The following BCLAF3 variants were observed in gnomAD, a reference collection of about 807,000 sequenced individuals.
BCLAF3 encodes the protein transient octamer binding factor 1.
Under a neutral mutation model 51.2 loss-of-function variants are expected in BCLAF3, and 24 were observed. The ratio of observed to expected loss-of-function variants is 0.47; its 90% CI spans 0.34 to 0.66. The LOEUF (loss-of-function observed/expected upper bound fraction) is 0.66. Among genes scored for constraint, BCLAF3 ranks in the 30% least tolerant of loss-of-function variants. The probability of loss-of-function intolerance (pLI) is 0.01; values close to 1 mark genes in which losing one functional copy is unlikely to be tolerated. For missense variants in BCLAF3, 465 were observed against 525.1 expected (o/e 0.89, Z 1.12); for synonymous variants, 152 against 176.6 (o/e 0.86, Z 1.10).
rs1205046705 is a variant in BCLAF3, at chrX:19,966,661, AAC to A, written c.42-14_42-13del. The A allele has an allele frequency of 8.4e-7, 1 of 1,186,537 alleles. No individual in the cohort carries two copies. The highest frequency in any genetic ancestry group is 1.8e-5 in the African/African-American group (1 of 56,485). On this transcript the variant is annotated splice_polypyrimidine_tract_variant and intron_variant, in intron 2 of 11. Coordinates refer to ENST00000379682, the MANE Select transcript of BCLAF3 (RefSeq NM_001367774.2). ...CTGGTGATAAAGACCTATGTAAACA[AAC>A]ACAGAAAAGTGTAAACCATTTAATC...
At chrX:19,979,372 C>G (rs904061275) in intron 1 of BCLAF3, among the ~76,000 whole-genome samples, 12 of 111,491 alleles carry the variant, frequency 1.1e-4, no homozygotes, top group Admixed American at 4.8e-4. Context: ...GATGATGCGT[C>G]ACTGAAGGCT....
intron 11 of BCLAF3, among the ~76,000 whole-genome samples, chrX:19,924,193 G>A (rs1480285787): frequency 8.9e-6 from 1 of 111,795 alleles, no homozygotes; most frequent in Non-Finnish European, 1.9e-5. Flanking sequence ...GAGGTCTGGA[G>A]AGTAGTCAGG....
intron 1 of BCLAF3, among the ~76,000 whole-genome samples, chrX:19,985,913 T>G (rs998894241): frequency 9.0e-6 from 1 of 111,043 alleles, no homozygotes; most frequent in African/African-American, 3.3e-5. Flanking sequence ...TGCCACTGAC[T>G]GCACGTCAGT....
At chrX:19,950,095 C>G (rs1399038557) in intron 8 of BCLAF3, among the ~76,000 whole-genome samples, 1 of 111,647 alleles carries the variant, frequency 9.0e-6, no homozygotes, top group Non-Finnish European at 1.9e-5. Context: ...GTTTAATACT[C>G]ATAACTGCCC....
intron 4 of BCLAF3, among the ~76,000 whole-genome samples, chrX:19,956,874 AACAG>A (rs932634317): frequency 2.7e-5 from 3 of 111,914 alleles, no homozygotes; most frequent in Non-Finnish European, 3.8e-5. Flanking sequence ...GCAGAAAGCA[AACAG>A]ACAGATGTGT....
intron 1 of BCLAF3, among the ~76,000 whole-genome samples, chrX:19,976,459 C>T (rs1042509530): frequency 3.6e-5 from 4 of 111,162 alleles, no homozygotes; most frequent in African/African-American, 6.6e-5. Context: ...GGTGCAATCT[C>T]GGCTCCCTGC....
chrX:19,974,809 G>T (rs951632957), intron 1 of BCLAF3, among the ~76,000 whole-genome samples: 16 of 110,789 alleles, frequency 1.4e-4, no homozygotes, highest in Admixed American at 4.8e-4. Context: ...TTGAACCCGG[G>T]GGGCGGAGGT....
chrX:19,927,384 C>G (rs2070394608), intron 11 of BCLAF3, among the ~76,000 whole-genome samples: 2 of 111,410 alleles, frequency 1.8e-5, no homozygotes, highest in Non-Finnish European at 3.8e-5. Flanking sequence ...AAATAAGTTG[C>G]CAACTTCATT....
chrX:19,922,733 A>C (rs1262753291), intron 11 of BCLAF3, among the ~76,000 whole-genome samples: 1 of 111,020 alleles, frequency 9.0e-6, no homozygotes, highest in Non-Finnish European at 1.9e-5. Flanking sequence ...CCCCATCTCT[A>C]CCAAAAAATA....
At chrX:19,923,103 T>C (rs1268106378) in intron 11 of BCLAF3, 1 of 112,015 alleles carries the variant, frequency 8.9e-6, no homozygotes, top group Non-Finnish European at 1.9e-5. Context: ...GTTTATAATA[T>C]GCCAGAAATT....
chrX:19,933,266 G>A lies in BCLAF3; in HGVS notation c.1950+2543C>T, dbSNP rs199879779. On this transcript the variant is annotated intron_variant, in intron 10 of 11. Transcript: ENST00000379682. ...GTCCTAATATATAGACATCTAAATA[G>A]AACAAGTACAATGTTTAGGTTCTGT... Among the ~76,000 whole-genome samples, 3 of 112,064 alleles carry A rather than the reference G, an allele frequency of 2.7e-5. No homozygotes were observed. In the East Asian group the frequency reaches 8.4e-4, roughly 31 times the overall value.
At chrX:19,955,198 T>C (rs2147904099) in intron 5 of BCLAF3, among the ~76,000 whole-genome samples, 193 bp downstream of exon 5, 1 of 111,996 alleles carries the variant, frequency 8.9e-6, no homozygotes, top group South Asian at 3.7e-4. Flanking sequence ...CACAAGGTTA[T>C]TGGAACTAGA....
At chrX:19,964,393 A>G (rs913082350) in intron 4 of BCLAF3, among the ~76,000 whole-genome samples, 3 of 111,962 alleles carry the variant, frequency 2.7e-5, no homozygotes, top group Admixed American at 9.5e-5. Flanking sequence ...ATTAAGGGCT[A>G]AAGTAAATGT....
At chrX:19,983,274 T>A (rs927122719) in intron 1 of BCLAF3, among the ~76,000 whole-genome samples, 18 of 105,141 alleles carry the variant, frequency 1.7e-4, no homozygotes, top group Non-Finnish European at 3.1e-4. Context: ...TGATTCTGAA[T>A]GGTTAAAAAT....
chrX:19,990,918 AGCCCCCGCC>A lies in BCLAF3; in HGVS notation c.-54_-46del, dbSNP rs1292566607. ...CCCCGAGCCGCTCACCCGGCCGGGA[AGCCCCCGCC>A]GCCGCCGCCGCCGCCGCCGCCGCCG... On this transcript the variant is annotated 5_prime_UTR_variant, in exon 1 of 12. Coordinates refer to ENST00000379682, the MANE Select transcript of BCLAF3 (RefSeq NM_001367774.2). 4.6e-4 allele frequency among the ~76,000 whole-genome samples: 34 copies of A among 73,946 alleles called. No homozygotes were observed. Among genetic ancestry groups the A allele is most frequent in the African/African-American group, 1.4e-3 (27 of 19,957 alleles). The allele number at this position is 73,946 out of a possible 115,157, so 64.2% of individuals were successfully genotyped here. A position where few individuals can be genotyped will look rare whatever the true frequency, so the allele number is the denominator to read the frequency against.
intron 1 of BCLAF3, among the ~76,000 whole-genome samples, chrX:19,978,628 T>C (rs1462269492): frequency 8.9e-6 from 1 of 112,413 alleles, no homozygotes; most frequent in Non-Finnish European, 1.9e-5. Flanking sequence ...AAAAAGGATT[T>C]AGAATATTAC....
intron 4 of BCLAF3, among the ~76,000 whole-genome samples, chrX:19,960,703 C>T (rs1302781445): frequency 9.0e-6 from 1 of 111,341 alleles, no homozygotes; most frequent in East Asian, 2.8e-4. Context: ...TTCCTTCAAT[C>T]TCAGTTATGG....
intron 1 of BCLAF3, among the ~76,000 whole-genome samples, chrX:19,978,763 T>A (rs754114413): frequency 1.4e-4 from 15 of 110,527 alleles, no homozygotes; most frequent in South Asian, 1.1e-3. Flanking sequence ...TTATTTATTT[T>A]TTTTTTGTCT....
intron 2 of BCLAF3, among the ~76,000 whole-genome samples, chrX:19,968,888 C>T (rs1320627719): frequency 1.8e-5 from 2 of 111,354 alleles, no homozygotes; most frequent in Admixed American, 9.5e-5. Flanking sequence ...CCGAGGCGGG[C>T]GGATCACGAG....
Sources: gnomAD v4.1 joint callset for allele counts (sites outside exome capture counted in the v4.1 genomes callset) on GRCh38, gnomAD v4.1.1 for gene constraint, MANE v1.5 for transcripts, NCBI Gene and HGNC (gene_info 2026-07-23, HGNC 2026-07-21) for gene names.